Variants in EXOC4 observed in about 807,000 individuals in gnomAD.
EXOC4 encodes the protein exocyst complex component 4, also known as SEC8-like 1.
A neutral mutation model predicts 107.2 loss-of-function variants in EXOC4; 71 were observed. The observed-to-expected ratio is 0.66, with a 90% CI of 0.55 to 0.81. The LOEUF (loss-of-function observed/expected upper bound fraction) is 0.81. Ranked by LOEUF, EXOC4 falls within the 30% of genes least tolerant of loss-of-function variation. EXOC4 has a pLI of 0.00. For missense variants in EXOC4, 1,108 were observed against 1,189.6 expected, an observed-to-expected ratio of 0.93 and a Z score of 1.01; for synonymous variants, 456 against 441.2, an observed-to-expected ratio of 1.03 and a Z score of -0.42.
At chr7:133,453,810 TAC>T (rs1013362565) in intron 7 of EXOC4, among the ~76,000 whole-genome samples, 6 of 152,116 alleles carry the variant, frequency 3.9e-5, no homozygotes, top group East Asian at 1.9e-4. Flanking sequence ...ATGTAACTCT[TAC>T]ACAGTTCAGA....
chr7:133,446,638 G>A (rs754017934), intron 7 of EXOC4, among the ~76,000 whole-genome samples: 6 of 152,124 alleles, frequency 3.9e-5, no homozygotes, highest in South Asian at 2.1e-4. Context: ...TTTGGAAAAC[G>A]TAACTTTAGA....
intron 14 of EXOC4, among the ~76,000 whole-genome samples, chr7:133,959,059 C>T (rs1800880661): frequency 6.6e-6 from 1 of 152,136 alleles, no homozygotes; most frequent in Admixed American, 6.5e-5. Flanking sequence ...CAGTGGTTCT[C>T]CAATAAAAGA....
chr7:133,687,292 T>C lies in EXOC4; in HGVS notation c.1514+57151T>C, dbSNP rs79551065. Among the ~76,000 whole-genome samples, 632 of 152,012 alleles carry C rather than the reference T, an allele frequency of 4.2e-3. 6 individuals carry two copies. The highest frequency in any genetic ancestry group is 0.017 in the Middle Eastern group (5 of 294). ...GGAGTGAGGGTTAAAAGACTACAAA[T>C]TGGGTTTAGTGTATACTACTCAGGT... On this transcript the variant is annotated intron_variant, in intron 10 of 17. Coordinates refer to ENST00000253861, the MANE Select transcript of EXOC4 (RefSeq NM_021807.4).
intron 1 of EXOC4, among the ~76,000 whole-genome samples, chr7:133,261,357 C>T (rs1276264994): frequency 2.6e-5 from 4 of 151,548 alleles, no homozygotes; most frequent in Non-Finnish European, 5.9e-5. Context: ...ACCTCTGCCT[C>T]CCAGGCTCAG....
intron 14 of EXOC4, among the ~76,000 whole-genome samples, chr7:133,962,845 A>G (rs777653965): frequency 7.2e-5 from 11 of 152,240 alleles, no homozygotes; most frequent in Non-Finnish European, 1.3e-4. Context: ...TTTAATTAAA[A>G]TATGTATTTA....
downstream of EXOC4, among the ~76,000 whole-genome samples, chr7:134,068,534 TA>T (rs1796217835): frequency 6.6e-6 from 1 of 152,098 alleles, no homozygotes; most frequent in Non-Finnish European, 1.5e-5. Flanking sequence ...TTTTTCATTA[TA>T]AATTACCCAG....
At chr7:133,619,241 C>T (rs377739192) in intron 9 of EXOC4, among the ~76,000 whole-genome samples, 30 of 152,244 alleles carry the variant, frequency 2.0e-4, no homozygotes, top group East Asian at 1.7e-3. Context: ...TTTGTATTTA[C>T]AGAGCACTCG....
intron 2 of EXOC4, among the ~76,000 whole-genome samples, chr7:133,282,441 A>C (rs1033888862): frequency 1.3e-5 from 2 of 152,228 alleles, no homozygotes; most frequent in Non-Finnish European, 2.9e-5. Context: ...TTTAGGAAGA[A>C]ACAGAGTAAC....
At chr7:133,968,468 T>G (rs1163295944) in intron 14 of EXOC4, among the ~76,000 whole-genome samples, 2 of 152,232 alleles carry the variant, frequency 1.3e-5, no homozygotes, top group African/African-American at 4.8e-5. Flanking sequence ...GTTTTTGCAG[T>G]GGCTGGTACC....
At chr7:133,852,887 A>G (rs981041205) in intron 11 of EXOC4, among the ~76,000 whole-genome samples, 6 of 152,248 alleles carry the variant, frequency 3.9e-5, no homozygotes, top group Non-Finnish European at 8.8e-5. Context: ...TTTATTGCTT[A>G]CTTTCACAAT....
chr7:133,679,384 C>T (rs2151066420), intron 10 of EXOC4, among the ~76,000 whole-genome samples: 1 of 152,236 alleles, frequency 6.6e-6, no homozygotes, highest in Non-Finnish European at 1.5e-5. Flanking sequence ...TCTTATAACT[C>T]ATTGTGATAA....
intron 10 of EXOC4, among the ~76,000 whole-genome samples, chr7:133,816,654 C>T (rs1797375889): frequency 6.6e-6 from 1 of 152,168 alleles, no homozygotes; most frequent in Non-Finnish European, 1.5e-5. Context: ...TCATGGAAGA[C>T]AATGTTTCCA....
At chr7:133,870,234 TCACA>T (rs1182145419) in intron 11 of EXOC4, among the ~76,000 whole-genome samples, 2 of 152,150 alleles carry the variant, frequency 1.3e-5, no homozygotes, top group Non-Finnish European at 2.9e-5. Flanking sequence ...CATTTTTTTC[TCACA>T]CACATCTCCC....
At chr7:133,670,353 G>A (rs893760903) in intron 10 of EXOC4, among the ~76,000 whole-genome samples, 1 of 152,226 alleles carries the variant, frequency 6.6e-6, no homozygotes, top group African/African-American at 2.4e-5. Context: ...CAACTCAAAT[G>A]ATATTATGTG....
chr7:133,546,859 A>G (rs1384805287), intron 9 of EXOC4, among the ~76,000 whole-genome samples: 3 of 152,188 alleles, frequency 2.0e-5, no homozygotes, highest in African/African-American at 7.2e-5. Context: ...TTTAATCCCA[A>G]TTCTGTTTTT....
At chr7:133,358,166 A>G (rs1433893280) in intron 6 of EXOC4, among the ~76,000 whole-genome samples, 3 of 152,298 alleles carry the variant, frequency 2.0e-5, no homozygotes, top group South Asian at 2.1e-4. Flanking sequence ...AGCCTGGTTG[A>G]CAGAGTGAAA....
chr7:133,305,801 A>G, intron 3 of EXOC4, 76 bp from the exon 4 acceptor site: 1 of 1,284,106 alleles, frequency 7.8e-7, no homozygotes, highest in Non-Finnish European at 1.1e-6. Flanking sequence ...TATCTTTTTA[A>G]GACGTCTTTC....
At chr7:133,810,365 T>C (rs914244223) in intron 10 of EXOC4, among the ~76,000 whole-genome samples, 3 of 152,148 alleles carry the variant, frequency 2.0e-5, no homozygotes, top group Non-Finnish European at 4.4e-5. Flanking sequence ...TTTCCCTTGA[T>C]AGCAATCAAA....
intron 10 of EXOC4, among the ~76,000 whole-genome samples, chr7:133,703,151 C>G (rs1247456130): frequency 6.6e-6 from 1 of 152,160 alleles, no homozygotes; most frequent in African/African-American, 2.4e-5. Flanking sequence ...ATCATTATCA[C>G]TGAACATAGT....
Sources: gnomAD v4.1 joint callset for allele counts (sites outside exome capture counted in the v4.1 genomes callset) on GRCh38, gnomAD v4.1.1 for gene constraint, MANE v1.5 for transcripts, NCBI Gene and HGNC (gene_info 2026-07-23, HGNC 2026-07-21) for gene names.